The following ADAM12 variants were observed in gnomAD, a reference collection of about 807,000 sequenced individuals.
The protein encoded by ADAM12 is ADAM metallopeptidase domain 12, also known as disintegrin and metalloproteinase domain-containing protein 12.
ADAM12 carries 70 observed loss-of-function variants against 106.4 expected under a neutral mutation model. The ratio of observed to expected loss-of-function variants is 0.66; its 90% CI spans 0.54 to 0.80. The LOEUF (loss-of-function observed/expected upper bound fraction) is 0.80. Among genes scored for constraint, ADAM12 ranks in the 30% least tolerant of loss-of-function variants. The probability of loss-of-function intolerance (pLI) is 0.00; values close to 1 mark genes in which losing one functional copy is unlikely to be tolerated. For synonymous variants in ADAM12, 420 were observed against 433.5 expected (o/e 0.97, Z 0.39); for missense variants, 1,010 against 1,171.9 (o/e 0.86, Z 2.02).
At chr10:126,132,534 CCT>C (rs201439427) in intron 5 of ADAM12, among the ~76,000 whole-genome samples, 1,960 of 139,314 alleles carry the variant, frequency 0.014, 41 homozygotes, top group African/African-American at 0.044. Context: ...ACCCCCCCCC[CCT>C]CAACTAGTCC....
chr10:126,055,153 C>T (rs1023443972), intron 14 of ADAM12, among the ~76,000 whole-genome samples: 1 of 152,154 alleles, frequency 6.6e-6, no homozygotes, highest in African/African-American at 2.4e-5. Context: ...TTTCAACTTC[C>T]CTGCACCCAT....
chr10:126,123,749 T>G (rs1211775144), intron 5 of ADAM12, among the ~76,000 whole-genome samples: 2 of 152,116 alleles, frequency 1.3e-5, no homozygotes, highest in African/African-American at 4.8e-5. Context: ...CCTGCTTCCC[T>G]TTGTGCAGTT....
intron 1 of ADAM12, among the ~76,000 whole-genome samples, chr10:126,365,185 T>C (rs10794080): frequency 0.59 from 89,151 of 151,994 alleles, 26,375 homozygotes; most frequent in Middle Eastern, 0.63. Context: ...CCAAATTCTA[T>C]GATCAGCTGT....
At chr10:126,284,332 CAAAAAAAAA>C (rs58488226) in intron 2 of ADAM12, among the ~76,000 whole-genome samples, 1 of 46,518 alleles carries the variant, frequency 2.1e-5, no homozygotes, top group Non-Finnish European at 4.0e-5. Flanking sequence ...GACTCCATCT[CAAAAAAAAA>C]AAAAAAAAAA....
chr10:126,055,416 G>A (rs1457175502), intron 14 of ADAM12, among the ~76,000 whole-genome samples: 2 of 152,172 alleles, frequency 1.3e-5, no homozygotes, highest in Non-Finnish European at 2.9e-5. Flanking sequence ...TTAAATGAAC[G>A]ATACATTTTA....
intron 3 of ADAM12, among the ~76,000 whole-genome samples, chr10:126,232,985 C>T (rs1958342318): frequency 6.6e-6 from 1 of 151,944 alleles, no homozygotes; most frequent in Admixed American, 6.6e-5. Flanking sequence ...GATGTGGCAT[C>T]TCGATATGTT....
chr10:126,098,800 T>A (rs1955605281), intron 9 of ADAM12, among the ~76,000 whole-genome samples: 3 of 152,348 alleles, frequency 2.0e-5, no homozygotes, highest in South Asian at 4.1e-4. Flanking sequence ...AGCTGCTCCA[T>A]TTAAACAATG....
intron 3 of ADAM12, among the ~76,000 whole-genome samples, chr10:126,242,033 C>T (rs916321879): frequency 6.6e-6 from 1 of 150,888 alleles, no homozygotes; most frequent in African/African-American, 2.4e-5. Flanking sequence ...GACTGATTTT[C>T]CCCCCATTAT....
chr10:126,094,011 T>A lies in ADAM12; in HGVS notation c.1119A>T (p.Gly373=), dbSNP rs1217256607. 6.2e-7 allele frequency: 1 copy of A among 1,614,012 alleles called. No individual in the cohort carries two copies. The highest frequency in any genetic ancestry group is 1.3e-5 in the African/African-American group (1 of 74,892). Residue 373 remains glycine, a synonymous_variant, in exon 11 of 23, where the codon GGA becomes GGT. Coordinates refer to ENST00000448723, the MANE Select transcript of ADAM12 (RefSeq NM_001288973.2). ...CGGTGGAAGCGTTCATGATGCAGCC[T>A]CCTTTCTCAACCGCCATTTGACAGC... ...GCSCQMAVEK[G]GCIMNASTGY...
intron 3 of ADAM12, among the ~76,000 whole-genome samples, chr10:126,160,903 G>A (rs1333770444): frequency 1.3e-5 from 2 of 152,158 alleles, no homozygotes; most frequent in South Asian, 4.2e-4. Context: ...TGCACCTGCT[G>A]TGCCCGTGTC....
intron 3 of ADAM12, among the ~76,000 whole-genome samples, chr10:126,163,284 G>A (rs187982318): frequency 8.9e-4 from 136 of 152,310 alleles, no homozygotes; most frequent in African/African-American, 3.2e-3. Flanking sequence ...TCTTGGACAC[G>A]TCATGGGAGC....
intron 3 of ADAM12, among the ~76,000 whole-genome samples, chr10:126,248,674 TATGTATGTATG>T (rs1958679469): frequency 6.4e-5 from 2 of 31,332 alleles, no homozygotes; most frequent in African/African-American, 4.2e-4. Context: ...TGTATGTATG[TATGTATGTATG>T]TATTTATTTA....
chr10:126,167,579 C>G (rs1456001221), intron 3 of ADAM12, among the ~76,000 whole-genome samples: 2 of 152,182 alleles, frequency 1.3e-5, no homozygotes, highest in Non-Finnish European at 2.9e-5. Context: ...TTATGTGTAT[C>G]AGTTCATACT....
intron 5 of ADAM12, among the ~76,000 whole-genome samples, chr10:126,134,063 G>A (rs1249435090): frequency 1.3e-5 from 2 of 152,218 alleles, no homozygotes; most frequent in African/African-American, 4.8e-5. Context: ...ACCTAGAACA[G>A]AACTGGCAAT....
intron 3 of ADAM12, among the ~76,000 whole-genome samples, chr10:126,166,114 C>G (rs909382532): frequency 3.9e-5 from 6 of 152,222 alleles, no homozygotes; most frequent in African/African-American, 1.4e-4. Context: ...TGCAAAATAA[C>G]TTCTTAATAT....
chr10:126,181,999 T>C (rs959452540), intron 3 of ADAM12, among the ~76,000 whole-genome samples: 3 of 152,182 alleles, frequency 2.0e-5, no homozygotes, highest in African/African-American at 4.8e-5. Flanking sequence ...GAGGACATCC[T>C]TCAGAAGACA....
intron 3 of ADAM12, among the ~76,000 whole-genome samples, chr10:126,268,282 T>C (rs1959139747): frequency 6.6e-6 from 1 of 152,266 alleles, no homozygotes; most frequent in Admixed American, 6.5e-5. Context: ...TCTTCAAAGT[T>C]CATGTGATGG....
chr10:126,080,351 A>T (rs1955188042), intron 11 of ADAM12, among the ~76,000 whole-genome samples: 1 of 152,194 alleles, frequency 6.6e-6, no homozygotes, highest in African/African-American at 2.4e-5. Flanking sequence ...TGTACTTTTT[A>T]ACATGTCTAA....
At chr10:126,212,947 A>C (rs1957927516) in intron 3 of ADAM12, among the ~76,000 whole-genome samples, 1 of 152,188 alleles carries the variant, frequency 6.6e-6, no homozygotes. Flanking sequence ...CATAAAACAC[A>C]GCCTTTGAAT....
Sources: gnomAD v4.1 joint callset for allele counts (sites outside exome capture counted in the v4.1 genomes callset) on GRCh38, gnomAD v4.1.1 for gene constraint, MANE v1.5 for transcripts, NCBI Gene and HGNC (gene_info 2026-07-23, HGNC 2026-07-21) for gene names.